WWOX: variants seen among roughly 807,000 people sequenced by gnomAD.
WWOX encodes WW domain-containing oxidoreductase.
WWOX carries 69 observed loss-of-function variants against 46.2 expected under a neutral mutation model. The ratio of observed to expected loss-of-function variants is 1.49; its 90% CI spans 1.23 to 1.82. The LOEUF (loss-of-function observed/expected upper bound fraction) is 1.82, where lower values mean the gene tolerates loss of function less well. Among genes scored for constraint, WWOX ranks in the 40% most tolerant of loss-of-function variants. WWOX has a pLI of 0.00. For synonymous variants in WWOX, 359 were observed against 202.6 expected (o/e 1.77, Z -6.56); for missense variants, 919 against 542.6 (o/e 1.69, Z -6.89).
At chr16:79,140,883 C>T (rs551817415) in intron 8 of WWOX, among the ~76,000 whole-genome samples, 1 of 152,166 alleles carries the variant, frequency 6.6e-6, no homozygotes, top group African/African-American at 2.4e-5. Context: ...CACCTCTGTT[C>T]TGCATGTCTC....
In WWOX at chr16:78,162,472, A is replaced by AATATAT. The variant is rs10668078; in HGVS notation, c.410-1701_410-1696dup. ...TCTGTTTGCGGCTCACACAGACATAAATATATATATATATACAAACGTACA... is the reference window on the plus strand; with the variant it reads ...TCTGTTTGCGGCTCACACAGACATAAATATATATATATATATATATACAAACGTACA... On this transcript the variant is annotated intron_variant, in intron 4 of 8. Coordinates refer to ENST00000566780, the MANE Select transcript of WWOX (RefSeq NM_016373.4). 1.7e-3 allele frequency among the ~76,000 whole-genome samples: 260 copies of AATATAT among 150,852 alleles called. 1 individual carries two copies. Among genetic ancestry groups the AATATAT allele is most frequent in the East Asian group, 0.012 (59 of 5,092 alleles).
intron 8 of WWOX, among the ~76,000 whole-genome samples, chr16:78,741,821 C>T (rs1477688832): frequency 1.3e-5 from 2 of 152,254 alleles, no homozygotes; most frequent in Non-Finnish European, 2.9e-5. Flanking sequence ...TGCCACTACA[C>T]TCCAGCCTGG....
intron 8 of WWOX, among the ~76,000 whole-genome samples, chr16:78,500,971 C>G (rs1423755999): frequency 6.6e-6 from 1 of 152,124 alleles, no homozygotes; most frequent in Non-Finnish European, 1.5e-5. Flanking sequence ...TGGTGTTTAG[C>G]TTGACTTAAA....
At chr16:79,155,760 G>C (rs2050369125) in intron 8 of WWOX, among the ~76,000 whole-genome samples, 1 of 152,128 alleles carries the variant, frequency 6.6e-6, no homozygotes, top group Admixed American at 6.5e-5. Context: ...ATCGCATTTT[G>C]AATAGAAAGG....
At chr16:78,616,966 C>A (rs529302102) in intron 8 of WWOX, among the ~76,000 whole-genome samples, 1 of 152,186 alleles carries the variant, frequency 6.6e-6, no homozygotes, top group East Asian at 1.9e-4. Context: ...TAACAAGAGA[C>A]ACATGTCAGA....
intron 5 of WWOX, chr16:78,355,775 G>A (rs879149680): frequency 2.8e-6 from 2 of 703,190 alleles, no homozygotes; most frequent in East Asian, 3.5e-5. Context: ...GAATATTCCA[G>A]TGTTCTTTCT....
chr16:78,523,905 C>T (rs969511075), intron 8 of WWOX, among the ~76,000 whole-genome samples: 4 of 152,160 alleles, frequency 2.6e-5, no homozygotes, highest in Non-Finnish European at 4.4e-5. Context: ...AGAACACAGC[C>T]CCATTTTAAG....
chr16:79,177,393 G>A (rs990224071), intron 8 of WWOX, among the ~76,000 whole-genome samples: 1 of 151,340 alleles, frequency 6.6e-6, no homozygotes, highest in Non-Finnish European at 1.5e-5. Flanking sequence ...CCGTGGCTGG[G>A]TTTGGATATG....
chr16:78,305,416 A>G (rs1216853333), intron 5 of WWOX, among the ~76,000 whole-genome samples: 2 of 152,136 alleles, frequency 1.3e-5, no homozygotes, highest in Non-Finnish European at 2.9e-5. Flanking sequence ...GGCCATTTAG[A>G]AGTGAAATGA....
intron 8 of WWOX, among the ~76,000 whole-genome samples, chr16:78,656,344 T>C (rs1195343769): frequency 2.0e-5 from 3 of 152,172 alleles, no homozygotes; most frequent in African/African-American, 7.2e-5. Flanking sequence ...TATTAGTCTG[T>C]TCTCACATTG....
chr16:79,076,012 T>C (rs2150573699), intron 8 of WWOX, among the ~76,000 whole-genome samples: 1 of 152,330 alleles, frequency 6.6e-6, no homozygotes, highest in Admixed American at 6.5e-5. Context: ...AGTGGGGTTT[T>C]TTTCTTCTTA....
intron 8 of WWOX, among the ~76,000 whole-genome samples, chr16:78,904,348 C>T (rs960710836): frequency 8.0e-5 from 12 of 150,802 alleles, no homozygotes; most frequent in African/African-American, 2.4e-4. Context: ...AAGCAATTCT[C>T]CTGCCTCAGC....
intron 8 of WWOX, among the ~76,000 whole-genome samples, chr16:78,585,682 T>G (rs977872338): frequency 4.7e-5 from 7 of 149,590 alleles, no homozygotes; most frequent in South Asian, 4.2e-4. Context: ...TGGGTTTTTT[T>G]TTTTGTTTTT....
intron 8 of WWOX, among the ~76,000 whole-genome samples, chr16:78,601,716 C>T (rs1439135051): frequency 6.6e-6 from 1 of 152,142 alleles, no homozygotes; most frequent in Non-Finnish European, 1.5e-5. Flanking sequence ...CAGCAGAAGT[C>T]TTTTCTCTGG....
intron 4 of WWOX, among the ~76,000 whole-genome samples, chr16:78,130,751 T>A (rs1263560040): frequency 6.6e-6 from 1 of 152,194 alleles, no homozygotes; most frequent in Non-Finnish European, 1.5e-5. Flanking sequence ...TAACAAACAT[T>A]TATTGACTAC....
In WWOX at chr16:78,548,119, C is replaced by T. The variant is rs894640591; in HGVS notation, c.1056+115367C>T. 4.4e-4 allele frequency among the ~76,000 whole-genome samples: 62 copies of T among 142,034 alleles called. 1 individual carries two copies. The highest frequency in any genetic ancestry group is 1.5e-3 in the African/African-American group (58 of 37,744). The allele number at this position is 142,034 out of a possible 152,430, so 93.2% of individuals were successfully genotyped here. ...GCAGTGAGCTGAGATCACACCACTG[C>T]ACTCCAGCCTGGGTGACAGAGCAAG... is the stretch of plus-strand genomic sequence containing the variant. On this transcript the variant is annotated intron_variant, in intron 8 of 8. Coordinates refer to ENST00000566780, the MANE Select transcript of WWOX (RefSeq NM_016373.4).
intron 5 of WWOX, among the ~76,000 whole-genome samples, chr16:78,286,539 C>T (rs890453788): frequency 1.3e-5 from 2 of 151,980 alleles, no homozygotes; most frequent in African/African-American, 4.8e-5. Context: ...ATGATGTCTT[C>T]GTTTGTAATT....
At chr16:78,975,910 C>A (rs1025733971) in intron 8 of WWOX, among the ~76,000 whole-genome samples, 1 of 152,178 alleles carries the variant, frequency 6.6e-6, no homozygotes, top group Admixed American at 6.5e-5. Flanking sequence ...ACATGTCACC[C>A]CCTCTTCCAC....
intron 8 of WWOX, among the ~76,000 whole-genome samples, chr16:78,952,287 A>C (rs189275523): frequency 6.6e-6 from 1 of 152,016 alleles, no homozygotes. Flanking sequence ...CCATGACTGC[A>C]TTAAATCCTT....
Sources: gnomAD v4.1 joint callset for allele counts (sites outside exome capture counted in the v4.1 genomes callset) on GRCh38, gnomAD v4.1.1 for gene constraint, MANE v1.5 for transcripts, NCBI Gene and HGNC (gene_info 2026-07-23, HGNC 2026-07-21) for gene names.